The following NNMT variants were observed in gnomAD, a reference collection of about 807,000 sequenced individuals.
NNMT encodes the protein nicotinamide N-methyltransferase.
Under a neutral mutation model 11.7 loss-of-function variants are expected in NNMT, and 10 were observed. That is an observed-to-expected ratio of 0.85 (90% CI 0.53 to 1.45). NNMT has a LOEUF of 1.45. NNMT is among the 40% of genes most tolerant of loss of function. The pLI is 0.00. For synonymous variants in NNMT, 143 were observed against 133.8 expected (o/e 1.07, Z -0.48); for missense variants, 381 against 319.4 (o/e 1.19, Z -1.47).
Position 114,304,853 on chromosome 11 carries a change from A to G in NNMT, c.362+6695A>G, listed in dbSNP as rs78064021. Among the ~76,000 whole-genome samples the G allele has an allele frequency of 2.6e-3, 390 of 152,328 alleles. 10 individuals carry two copies. In the East Asian group the frequency reaches 0.051, roughly 20 times the overall value. On this transcript the variant is annotated intron_variant, in intron 2 of 2. Transcript: ENST00000299964. ...TGTCTCAAAAATAATAAAAAATAAT[A>G]ATAAAAATAAATAACCCTCATTTTT...
upstream of NNMT, among the ~76,000 whole-genome samples, chr11:114,294,157 AG>A (rs978554452): frequency 1.2e-4 from 18 of 152,150 alleles, no homozygotes; most frequent in South Asian, 3.3e-3. Context: ...CGAGGTGGGT[AG>A]GGGGGATGTG....
intron 2 of NNMT, among the ~76,000 whole-genome samples, chr11:114,268,083 G>A (rs1475584809): frequency 6.6e-6 from 1 of 152,204 alleles, no homozygotes; most frequent in Non-Finnish European, 1.5e-5. Context: ...GGGCTGGGTA[G>A]TAGGAGTAAA....
Position 114,312,146 on chromosome 11 carries a change from C to T in NNMT, c.464C>T (p.Pro155Leu). The T allele has an allele frequency of 6.2e-7, 1 of 1,614,048 alleles. No homozygotes were observed. Among genetic ancestry groups the T allele is most frequent in the Admixed American group, 1.7e-5 (1 of 60,022 alleles). ...CAGCCACTGGGGGCCGTCCCCTTAC[C>T]CCCGGCTGACTGCGTGCTCAGCACA... ...QSQPLGAVPL[P>L]PADCVLSTLC... Residue 155 changes from proline (P) to leucine (L), a missense_variant, in exon 3 of 3, where the codon CCC becomes CTC. Coordinates refer to ENST00000299964, the MANE Select transcript of NNMT (RefSeq NM_006169.3).
chr11:114,294,306 C>T (rs1169782761), upstream of NNMT, among the ~76,000 whole-genome samples: 6 of 151,960 alleles, frequency 3.9e-5, no homozygotes, highest in East Asian at 3.9e-4. Context: ...GATGAAACCC[C>T]GTCTCTACTA....
chr11:114,275,453 T>C (rs756316026), intron 2 of NNMT, among the ~76,000 whole-genome samples: 1 of 152,224 alleles, frequency 6.6e-6, no homozygotes, highest in Admixed American at 6.5e-5. Flanking sequence ...ATGGGCTGAT[T>C]GTCAGAAGCA....
chr11:114,299,778 T>A (rs992130831), intron 2 of NNMT, among the ~76,000 whole-genome samples: 1 of 147,104 alleles, frequency 6.8e-6, no homozygotes, highest in African/African-American at 2.5e-5. Context: ...TTATCTTGGT[T>A]GTCAACTTTA....
chr11:114,309,148 A>G (rs1227038615), intron 2 of NNMT, among the ~76,000 whole-genome samples: 2 of 152,170 alleles, frequency 1.3e-5, no homozygotes, highest in African/African-American at 4.8e-5. Context: ...CTACCTTTTG[A>G]TATACACTTT....
chr11:114,298,009 C>A lies in NNMT; in HGVS notation c.213C>A (p.Leu71=). The A allele has an allele frequency of 6.2e-7, 1 of 1,613,920 alleles. No homozygotes were observed. Among genetic ancestry groups the A allele is most frequent in the Non-Finnish European group, 8.5e-7 (1 of 1,180,032 alleles). Residue 71 remains leucine (L), a synonymous_variant, in exon 2 of 3, where the codon CTC becomes CTA. Coordinates refer to ENST00000299964, the MANE Select transcript of NNMT (RefSeq NM_006169.3). ...DIGSGPTIYQ[L]LSACESFKEI... ...GCTCTGGCCCCACTATCTATCAGCT[C>A]CTCTCTGCTTGTGAATCCTTTAAGG... is the stretch of plus-strand genomic sequence containing the variant.
intron 2 of NNMT, among the ~76,000 whole-genome samples, chr11:114,278,884 T>A (rs1591829320): frequency 6.6e-6 from 1 of 152,070 alleles, no homozygotes; most frequent in Non-Finnish European, 1.5e-5. Context: ...AAAGCTGCTA[T>A]GGGATGGGAA....
upstream of NNMT, among the ~76,000 whole-genome samples, chr11:114,293,502 G>T (rs549912426): frequency 6.6e-6 from 1 of 151,174 alleles, no homozygotes; most frequent in African/African-American, 2.4e-5. Context: ...GCCAGCATTT[G>T]TTATTGTCTG....
At chr11:114,302,920 C>A (rs1361797849) in intron 2 of NNMT, among the ~76,000 whole-genome samples, 1 of 152,124 alleles carries the variant, frequency 6.6e-6, no homozygotes, top group Non-Finnish European at 1.5e-5. Flanking sequence ...AATGAGAAGT[C>A]AGCTGTCTGT....
chr11:114,298,448 G>A, intron 2 of NNMT: 1 of 380,416 alleles, frequency 2.6e-6, no homozygotes, highest in Non-Finnish European at 5.0e-6. Context: ...TTGGGGACAA[G>A]AGCAGTGTGC....
At chr11:114,291,495 T>A (rs886089766), upstream of NNMT, among the ~76,000 whole-genome samples, 9 of 152,126 alleles carry the variant, frequency 5.9e-5, no homozygotes, top group African/African-American at 2.2e-4. Flanking sequence ...CATGTCCTGT[T>A]TTTTTGTTTG....
Position 114,309,696 on chromosome 11 carries a change from G to T in NNMT, c.363-2349G>T, listed in dbSNP as rs539156775. Among the ~76,000 whole-genome samples, 67 of 152,234 alleles carry T rather than the reference G, an allele frequency of 4.4e-4. 1 individual carries two copies. The highest frequency in any genetic ancestry group is 1.2e-3 in the African/African-American group (50 of 41,530). Reference sequence around the variant, plus strand: ...CAGTAGTTTTTAGTATACTTTCAGAGTTGTGCAACCTTCATCACAATCAAT... The same window carrying T: ...CAGTAGTTTTTAGTATACTTTCAGATTTGTGCAACCTTCATCACAATCAAT... On this transcript the variant is annotated intron_variant, in intron 2 of 2. Coordinates refer to ENST00000299964, the MANE Select transcript of NNMT (RefSeq NM_006169.3).
Position 114,312,474 on chromosome 11 carries a change from GT to G in NNMT, c.793del (p.Ter265AspfsTer7), listed in dbSNP as rs772922961. On this transcript the variant is annotated frameshift_variant and stop_lost, in exon 3 of 3. Transcript: ENST00000299964. LOFTEE classifies it high-confidence loss of function. The part of the protein sequence containing the change: ...LVARKLSRPL[*>X] ...TGGCGAGGAAGCTGAGCAGACCCCTGTGATGCCTGTGACCTCAATTAAAGCA... is the reference window on the plus strand; with the variant it reads ...TGGCGAGGAAGCTGAGCAGACCCCTGGATGCCTGTGACCTCAATTAAAGCA... The G allele has an allele frequency of 6.2e-7, 1 of 1,611,472 alleles. No homozygotes were observed. Among genetic ancestry groups the G allele is most frequent in the African/African-American group, 1.3e-5 (1 of 75,032 alleles).
chr11:114,258,881 G>A (rs767450556), intron 1 of NNMT, among the ~76,000 whole-genome samples: 7 of 149,014 alleles, frequency 4.7e-5, no homozygotes, highest in Non-Finnish European at 9.0e-5. Context: ...GGGCCTGTGC[G>A]TGTGCTGTTT....
intron 2 of NNMT, among the ~76,000 whole-genome samples, chr11:114,290,855 T>C (rs983904065): frequency 1.3e-5 from 2 of 152,242 alleles, no homozygotes; most frequent in Non-Finnish European, 2.9e-5. Context: ...GACAATTGCT[T>C]TGTTTTAGCA....
At chr11:114,279,585 A>C (rs1945243630) in intron 2 of NNMT, among the ~76,000 whole-genome samples, 1 of 152,204 alleles carries the variant, frequency 6.6e-6, no homozygotes, top group South Asian at 2.1e-4. Flanking sequence ...GGAGTTTAGG[A>C]AGATGCTGGG....
chr11:114,301,455 A>G (rs1390962224), intron 2 of NNMT, among the ~76,000 whole-genome samples: 2 of 152,254 alleles, frequency 1.3e-5, no homozygotes, highest in African/African-American at 4.8e-5. Flanking sequence ...GAAATGAGCT[A>G]TCAAGCCACG....
Sources: gnomAD v4.1 joint callset for allele counts (sites outside exome capture counted in the v4.1 genomes callset) on GRCh38, gnomAD v4.1.1 for gene constraint, MANE v1.5 for transcripts, NCBI Gene and HGNC (gene_info 2026-07-23, HGNC 2026-07-21) for gene names.